CSGALNACT1: variants seen among roughly 807,000 people sequenced by gnomAD.
CSGALNACT1 encodes beta4GalNAcT-1.
Under a neutral mutation model 51.0 loss-of-function variants are expected in CSGALNACT1, and 52 were observed. That is an observed-to-expected ratio of 1.02 (90% confidence interval 0.82 to 1.29). CSGALNACT1 has a LOEUF of 1.29. CSGALNACT1 is among the 50% of genes most tolerant of loss of function. The pLI is 0.00. For synonymous variants in CSGALNACT1, 341 were observed against 254.4 expected (o/e 1.34, Z -3.24); for missense variants, 935 against 679.2 (o/e 1.38, Z -4.19).
chr8:19,705,682 A>G (rs938574888), intron 1 of CSGALNACT1, among the ~76,000 whole-genome samples: 1 of 152,140 alleles, frequency 6.6e-6, no homozygotes, highest in South Asian at 2.1e-4. Flanking sequence ...GGCTGCAGTG[A>G]GCTGAGATCG....
chr8:19,666,673 A>T (rs1157624750), intron 1 of CSGALNACT1, among the ~76,000 whole-genome samples: 3 of 150,308 alleles, frequency 2.0e-5, no homozygotes, highest in African/African-American at 7.4e-5. Flanking sequence ...ACTCCAGCCT[A>T]ATTGACAAAC....
chr8:19,450,448 A>T (rs572583137), intron 5 of CSGALNACT1, among the ~76,000 whole-genome samples: 1 of 152,224 alleles, frequency 6.6e-6, no homozygotes, highest in South Asian at 2.1e-4. Flanking sequence ...TACCAGCCAC[A>T]GGTAGAGACT....
At chr8:19,616,084 A>G (rs545406094) in intron 1 of CSGALNACT1, among the ~76,000 whole-genome samples, 1 of 152,368 alleles carries the variant, frequency 6.6e-6, no homozygotes. Context: ...GTTTTGAAAT[A>G]CATTTAATGA....
upstream of CSGALNACT1, among the ~76,000 whole-genome samples, chr8:19,684,239 A>G (rs1393506475): frequency 6.6e-6 from 1 of 152,172 alleles, no homozygotes; most frequent in Non-Finnish European, 1.5e-5. Flanking sequence ...AATGCAAGAG[A>G]ACAGAAAATC....
chr8:19,534,887 C>T (rs1365352651), intron 3 of CSGALNACT1, among the ~76,000 whole-genome samples: 1 of 152,112 alleles, frequency 6.6e-6, no homozygotes, highest in Non-Finnish European at 1.5e-5. Context: ...GTGATTATAA[C>T]CATATATTTT....
chr8:19,440,270 A>T (rs1403070502), intron 5 of CSGALNACT1, among the ~76,000 whole-genome samples: 1 of 152,190 alleles, frequency 6.6e-6, no homozygotes, highest in Non-Finnish European at 1.5e-5. Context: ...CCATAAAAAG[A>T]CTATTTTAGA....
chr8:19,718,023 G>C (rs1446768582), intron 1 of CSGALNACT1, among the ~76,000 whole-genome samples: 1 of 152,142 alleles, frequency 6.6e-6, no homozygotes, highest in African/African-American at 2.4e-5. Flanking sequence ...GGCATCATGG[G>C]CTGGGGCCTC....
chr8:19,453,285 T>C (rs11990819), intron 5 of CSGALNACT1, among the ~76,000 whole-genome samples: 22,253 of 152,140 alleles, frequency 0.15, 1,826 homozygotes, highest in Middle Eastern at 0.24. Flanking sequence ...AGAATAACAT[T>C]AGCAGGCACA....
At chr8:19,635,616 T>A (rs2055937074) in intron 1 of CSGALNACT1, among the ~76,000 whole-genome samples, 1 of 152,110 alleles carries the variant, frequency 6.6e-6, no homozygotes, top group South Asian at 2.1e-4. Context: ...CAAGATCAGC[T>A]CCACTTTTTC....
exon 4 of CSGALNACT1, chr8:19,506,031 G>A (rs2077270702): frequency 1.4e-6 from 1 of 712,568 alleles, no homozygotes; most frequent in African/African-American, 1.7e-5. Context: ...TTTAAAGGAT[G>A]ATCTTGCAGG....
At chr8:19,614,601 G>C (rs915404934) in intron 1 of CSGALNACT1, among the ~76,000 whole-genome samples, 5 of 152,088 alleles carry the variant, frequency 3.3e-5, no homozygotes, top group African/African-American at 9.7e-5. Context: ...CATCAGCTTA[G>C]GATATTTTCT....
intron 4 of CSGALNACT1, among the ~76,000 whole-genome samples, chr8:19,473,099 G>A (rs1057027839): frequency 6.6e-6 from 1 of 152,206 alleles, no homozygotes; most frequent in African/African-American, 2.4e-5. Context: ...AAATATGCTT[G>A]AAAGCAGAAT....
chr8:19,673,072 C>A (rs958683406), intron 1 of CSGALNACT1, among the ~76,000 whole-genome samples: 1 of 152,172 alleles, frequency 6.6e-6, no homozygotes, highest in Non-Finnish European at 1.5e-5. Context: ...TATAATGTAG[C>A]CTTAGAACAA....
intron 1 of CSGALNACT1, among the ~76,000 whole-genome samples, chr8:19,640,608 C>G (rs1263649154): frequency 1.3e-5 from 2 of 152,200 alleles, no homozygotes; most frequent in African/African-American, 2.4e-5. Context: ...TAAGCAGATT[C>G]TTCTAACAGG....
At chr8:19,478,907 C>T (rs1313000321) in intron 4 of CSGALNACT1, among the ~76,000 whole-genome samples, 1 of 152,152 alleles carries the variant, frequency 6.6e-6, no homozygotes, top group Non-Finnish European at 1.5e-5. Context: ...CTTGTCATGT[C>T]ATTTTAGGTT....
At chr8:19,639,934 T>C (rs769086405) in intron 1 of CSGALNACT1, among the ~76,000 whole-genome samples, 15 of 151,092 alleles carry the variant, frequency 9.9e-5, no homozygotes, top group Non-Finnish European at 2.1e-4. Flanking sequence ...CAGGCTGGAA[T>C]GCAGTGGTAC....
intron 3 of CSGALNACT1, among the ~76,000 whole-genome samples, chr8:19,547,811 C>T (rs1240573311): frequency 1.3e-5 from 2 of 152,126 alleles, no homozygotes; most frequent in African/African-American, 4.8e-5. Flanking sequence ...TCCTTACTAG[C>T]AAGTAATACT....
chr8:19,506,392 T>G (rs1286441348), intron 3 of CSGALNACT1, among the ~76,000 whole-genome samples: 3 of 152,336 alleles, frequency 2.0e-5, no homozygotes, highest in Middle Eastern at 6.8e-3. Context: ...GATGGAAAGA[T>G]TAAGAGTCAT....
chr8:19,693,717 C>G (rs1013628015), intron 1 of CSGALNACT1, among the ~76,000 whole-genome samples: 2 of 152,224 alleles, frequency 1.3e-5, no homozygotes, highest in South Asian at 2.1e-4. Flanking sequence ...TGCCCTGACA[C>G]CAACCCAAGC....
Sources: allele counts gnomAD v4.1 joint callset (sites outside exome capture counted in the v4.1 genomes callset), GRCh38; gene constraint gnomAD v4.1.1; transcripts MANE v1.5; gene names NCBI Gene and HGNC (gene_info 2026-07-23, HGNC 2026-07-21).